Variants in PCBP3 observed in about 807,000 individuals in gnomAD.
PCBP3 encodes the protein poly(rC)-binding protein 3.
PCBP3 carries 25 observed loss-of-function variants against 52.7 expected under a neutral mutation model. That is an observed-to-expected ratio of 0.47 (90% CI 0.35 to 0.66). The LOEUF is 0.66. Among genes scored for constraint, PCBP3 ranks in the 30% least tolerant of loss-of-function variants. The probability of loss-of-function intolerance (pLI) is 0.01; values close to 1 mark genes in which losing one functional copy is unlikely to be tolerated. For missense variants in PCBP3, 391 were observed against 490.3 expected, an observed-to-expected ratio of 0.80 and a Z score of 1.91; for synonymous variants, 162 against 183.0, an observed-to-expected ratio of 0.89 and a Z score of 0.93.
intron 4 of PCBP3, among the ~76,000 whole-genome samples, chr21:45,785,139 G>A (rs1186984240): frequency 6.6e-6 from 1 of 151,298 alleles, no homozygotes; most frequent in African/African-American, 2.4e-5. Context: ...GAGACCCTCT[G>A]CCTGGCAACC....
Position 45,940,174 on chromosome 21 carries a change from C to T in PCBP3, c.1054C>T (p.Leu352Phe). The T allele has an allele frequency of 6.2e-7, 1 of 1,613,938 alleles. No individual in the cohort carries two copies. The highest frequency in any genetic ancestry group is 8.5e-7 in the Non-Finnish European group (1 of 1,179,874). Residue 352 changes from leucine to phenylalanine, a missense_variant, in exon 17 of 18, where the codon CTT (leucine) becomes TTT (phenylalanine). Coordinates refer to ENST00000681687, the MANE Select transcript of PCBP3 (RefSeq NM_001384156.1). ...TITGTPANIS[L>F]AQYLINARLT... ...CACGGGGACCCCGGCCAACATCAGC[C>T]TTGCCCAGTATCTCATCAACGCCAG...
chr21:45,809,363 T>C (rs1286123582), intron 4 of PCBP3, among the ~76,000 whole-genome samples: 2 of 152,196 alleles, frequency 1.3e-5, no homozygotes, highest in East Asian at 3.8e-4. Flanking sequence ...CCATTTCCAC[T>C]CCACGCATTT....
chr21:45,764,119 C>CTTTTTTTTTTTT (rs71185167), intron 4 of PCBP3, among the ~76,000 whole-genome samples: 3 of 119,788 alleles, frequency 2.5e-5, no homozygotes, highest in East Asian at 2.2e-4. Context: ...TTTTTTTTTT[C>CTTTTTTTTTTTT]TTTTTTTTTT....
chr21:45,729,070 T>A lies in PCBP3; in HGVS notation c.-199-6322T>A, dbSNP rs183742724. ...CTCCCACCCATTAAGTAATCACTCC[T>A]GGTCTCCCCCTGTCCTTATGCCCTG... On this transcript the variant is annotated intron_variant, in intron 2 of 17. Transcript: ENST00000681687. 3.3e-5 allele frequency among the ~76,000 whole-genome samples: 5 copies of A among 152,348 alleles called. No homozygotes were observed. The East Asian group carries it at 9.6e-4, about 29-fold the overall frequency.
intron 4 of PCBP3, among the ~76,000 whole-genome samples, chr21:45,790,539 C>T (rs2091469769): frequency 6.6e-6 from 1 of 152,096 alleles, no homozygotes; most frequent in Non-Finnish European, 1.5e-5. Context: ...TGGCATGGGT[C>T]ATCCGGGGGC....
chr21:45,914,518 G>A (rs377188901), intron 12 of PCBP3: 184 of 199,214 alleles, frequency 9.2e-4, no homozygotes, highest in Admixed American at 3.8e-3. Context: ...CGTCTGTGCC[G>A]CTGTGTCCGG....
chr21:45,799,093 G>A (rs932184598), intron 4 of PCBP3, among the ~76,000 whole-genome samples: 1 of 152,188 alleles, frequency 6.6e-6, no homozygotes, highest in African/African-American at 2.4e-5. Flanking sequence ...GATCCATAGA[G>A]AGAGTGAATG....
chr21:45,874,666 C>T (rs2095180293), intron 5 of PCBP3, among the ~76,000 whole-genome samples: 1 of 152,062 alleles, frequency 6.6e-6, no homozygotes, highest in Admixed American at 6.6e-5. Flanking sequence ...GCCACCACGC[C>T]CGGCTACTTT....
intron 15 of PCBP3, among the ~76,000 whole-genome samples, chr21:45,933,501 A>G (rs2076549550): frequency 6.6e-6 from 1 of 152,240 alleles, no homozygotes; most frequent in Non-Finnish European, 1.5e-5. Context: ...TACTTTGTTC[A>G]GGAATTTCTG....
At chr21:45,820,002 C>T (rs527546573) in intron 4 of PCBP3, among the ~76,000 whole-genome samples, 176 of 152,262 alleles carry the variant, frequency 1.2e-3, no homozygotes, top group Non-Finnish European at 1.2e-3. Flanking sequence ...TACTCAGGCC[C>T]GCTGGGGAAG....
Position 45,941,651 on chromosome 21 carries a change from C to T in PCBP3, c.1080-19C>T, listed in dbSNP as rs181379111. 5.6e-4 allele frequency: 906 copies of T among 1,604,698 alleles called. 6 individuals are homozygous for T. The African/African-American group carries it at 0.01, about 18-fold the overall frequency. On this transcript the variant is annotated intron_variant, in intron 17 of 17. Coordinates refer to ENST00000681687, the MANE Select transcript of PCBP3 (RefSeq NM_001384156.1). ...TTGGTTGTGACCGTCTCTCCCTCTC[C>T]TGCCTTTGTCTGTTCCAGGCTGACG...
At chr21:45,851,509 T>TA (rs975294790) in intron 5 of PCBP3, among the ~76,000 whole-genome samples, 27 of 151,246 alleles carry the variant, frequency 1.8e-4, no homozygotes, top group African/African-American at 5.8e-4. Flanking sequence ...GAGATTGTCT[T>TA]AAAAAAAAGA....
At chr21:45,705,931 G>A (rs1294798638) in intron 2 of PCBP3, among the ~76,000 whole-genome samples, 2 of 152,202 alleles carry the variant, frequency 1.3e-5, no homozygotes, top group Non-Finnish European at 2.9e-5. Context: ...CACGTCCCTT[G>A]TTGGGACAGA....
At chr21:45,677,139 G>A (rs369137124) in intron 2 of PCBP3, among the ~76,000 whole-genome samples, 81 of 152,318 alleles carry the variant, frequency 5.3e-4, no homozygotes, top group African/African-American at 1.9e-3. Context: ...CAGACAGGCC[G>A]AAAGCTGGGC....
intron 4 of PCBP3, among the ~76,000 whole-genome samples, chr21:45,785,319 G>T (rs1338061868): frequency 1.3e-5 from 2 of 150,608 alleles, no homozygotes; most frequent in Non-Finnish European, 3.0e-5. Context: ...CCGGCCAGCC[G>T]CCCCGTCCGG....
intron 4 of PCBP3, among the ~76,000 whole-genome samples, chr21:45,778,218 G>C (rs1014451621): frequency 1.3e-5 from 2 of 152,138 alleles, no homozygotes; most frequent in African/African-American, 4.8e-5. Flanking sequence ...TTCTTCAGTA[G>C]GTTAGGGTGC....
intron 5 of PCBP3, among the ~76,000 whole-genome samples, chr21:45,895,004 A>C (rs534642376): frequency 1.9e-4 from 29 of 152,318 alleles, no homozygotes; most frequent in African/African-American, 6.7e-4. Flanking sequence ...TGACCTATAC[A>C]TGTGTTTTTA....
intron 4 of PCBP3, among the ~76,000 whole-genome samples, chr21:45,840,503 GAAGA>G (rs1449443498): frequency 6.7e-6 from 1 of 148,672 alleles, no homozygotes; most frequent in Non-Finnish European, 1.5e-5. Context: ...TTAATTTATT[GAAGA>G]AAGAAAAATA....
intron 4 of PCBP3, among the ~76,000 whole-genome samples, chr21:45,797,764 G>GGATGAC (rs2092040021): frequency 1.2e-3 from 1 of 816 alleles, no homozygotes; most frequent in Non-Finnish European, 2.1e-3. Flanking sequence ...GTGAATGGAT[G>GGATGAC]TGCATGTGGA....
Sources: gnomAD v4.1 joint callset for allele counts (sites outside exome capture counted in the v4.1 genomes callset) on GRCh38, gnomAD v4.1.1 for gene constraint, MANE v1.5 for transcripts, NCBI Gene and HGNC (gene_info 2026-07-23, HGNC 2026-07-21) for gene names.